Variants in HDX observed in about 807,000 individuals in gnomAD.
HDX encodes highly divergent homeobox.
Under a neutral mutation model 45.2 loss-of-function variants are expected in HDX, and 19 were observed. The ratio of observed to expected loss-of-function variants is 0.42; its 90% CI spans 0.29 to 0.62. The LOEUF (loss-of-function observed/expected upper bound fraction) is 0.62, where lower values mean the gene tolerates loss of function less well. Among genes scored for constraint, HDX ranks in the 20% least tolerant of loss-of-function variants. HDX has a pLI of 0.20. For synonymous variants in HDX, 188 were observed against 172.8 expected, an observed-to-expected ratio of 1.09 and a Z score of -0.69; for missense variants, 532 against 493.9, an observed-to-expected ratio of 1.08 and a Z score of -0.73.
intron 9 of HDX, among the ~76,000 whole-genome samples, chrX:84,327,431 G>A (rs1314682182): frequency 9.0e-5 from 10 of 111,609 alleles, no homozygotes; most frequent in Non-Finnish European, 1.9e-4. Context: ...TATTGCATAA[G>A]GATAGACATA....
intron 4 of HDX, among the ~76,000 whole-genome samples, chrX:84,443,977 G>A (rs1466720592): frequency 1.8e-5 from 2 of 111,446 alleles, no homozygotes; most frequent in East Asian, 2.8e-4. Context: ...GTACATGAAT[G>A]TCTTTACTAC....
At chrX:84,419,225 G>T (rs1234425214) in intron 5 of HDX, among the ~76,000 whole-genome samples, 1 of 110,486 alleles carries the variant, frequency 9.1e-6, no homozygotes, top group East Asian at 2.9e-4. Context: ...AGCATCAGGC[G>T]GGTTCTTGGG....
chrX:84,377,075 G>A (rs1461619923), intron 5 of HDX, among the ~76,000 whole-genome samples: 1 of 112,302 alleles, frequency 8.9e-6, no homozygotes, highest in Admixed American at 9.4e-5. Context: ...GTTTGTTTGG[G>A]AAAATGTAAG....
intron 10 of HDX, among the ~76,000 whole-genome samples, chrX:84,325,645 T>C (rs770872047): frequency 2.7e-5 from 3 of 111,729 alleles, no homozygotes; most frequent in Non-Finnish European, 3.8e-5. Context: ...ACTCAAATAC[T>C]TAAATTGGGA....
chrX:84,360,703 CATA>C lies in HDX; in HGVS notation c.1452+760_1452+762del, dbSNP rs1221996757. Among the ~76,000 whole-genome samples, 3 of 111,302 alleles carry C rather than the reference CATA, an allele frequency of 2.7e-5. No individual in the cohort carries two copies. The Admixed American group carries it at 2.9e-4, about 11-fold the overall frequency. ...TTTGCAATGGGTTTCTTTCATTTAGCATAATGTTTTTAAGGTTCATCCGTTTTA... is the reference window on the plus strand; with the variant it reads ...TTTGCAATGGGTTTCTTTCATTTAGCATGTTTTTAAGGTTCATCCGTTTTA... On this transcript the variant is annotated intron_variant, in intron 6 of 10. Coordinates refer to ENST00000373177, the MANE Select transcript of HDX (RefSeq NM_001177479.2).
At chrX:84,400,124 G>C (rs1421636786) in intron 5 of HDX, among the ~76,000 whole-genome samples, 2 of 109,759 alleles carry the variant, frequency 1.8e-5, no homozygotes, top group Non-Finnish European at 3.8e-5. Flanking sequence ...ATGGGTAAAA[G>C]CTGGAACCTT....
intron 6 of HDX, among the ~76,000 whole-genome samples, chrX:84,353,983 T>G (rs762310150): frequency 9.0e-6 from 1 of 111,729 alleles, no homozygotes; most frequent in South Asian, 3.8e-4. Flanking sequence ...CCTTCTACAT[T>G]CCAGCTATCA....
intron 6 of HDX, among the ~76,000 whole-genome samples, chrX:84,355,197 A>T (rs2037452493): frequency 1.8e-5 from 2 of 109,870 alleles, no homozygotes; most frequent in Non-Finnish European, 3.8e-5. Context: ...TATGAACTTT[A>T]TTTAAGTCCC....
intron 6 of HDX, among the ~76,000 whole-genome samples, chrX:84,353,285 C>G (rs1190830440): frequency 1.8e-5 from 2 of 111,231 alleles, no homozygotes; most frequent in Non-Finnish European, 3.8e-5. Context: ...ATTTGTCTCC[C>G]CTACTCCAAA....
chrX:84,392,263 C>G (rs2038458766), intron 5 of HDX, among the ~76,000 whole-genome samples: 1 of 111,163 alleles, frequency 9.0e-6, no homozygotes, highest in African/African-American at 3.3e-5. Context: ...CTTTTATGTC[C>G]CATTGTCCTA....
At chrX:84,490,719 CTTATTA>C (rs948970893) in intron 1 of HDX, among the ~76,000 whole-genome samples, 1 of 109,013 alleles carries the variant, frequency 9.2e-6, no homozygotes, top group African/African-American at 3.3e-5. Flanking sequence ...TTTTTTAAAT[CTTATTA>C]TTATTATACT....
At chrX:84,492,911 C>CT (rs11390246) in intron 1 of HDX, among the ~76,000 whole-genome samples, 6,990 of 96,517 alleles carry the variant, frequency 0.072, 539 homozygotes, top group African/African-American at 0.21. Flanking sequence ...TTACAAAAAG[C>CT]TTTTTTTTTT....
chrX:84,350,500 G>T (rs760555247), intron 6 of HDX, among the ~76,000 whole-genome samples: 8 of 111,567 alleles, frequency 7.2e-5, no homozygotes, highest in Non-Finnish European at 1.1e-4. Context: ...ATATTTTGTA[G>T]TTCTGTGATA....
intron 5 of HDX, among the ~76,000 whole-genome samples, chrX:84,393,982 T>C (rs1016484805): frequency 1.8e-5 from 2 of 111,435 alleles, no homozygotes; most frequent in Non-Finnish European, 1.9e-5. Context: ...TGATCTTTTG[T>C]ATTTTTTTAG....
intron 1 of HDX, among the ~76,000 whole-genome samples, chrX:84,497,954 A>G (rs2041041321): frequency 9.0e-6 from 1 of 111,338 alleles, no homozygotes; most frequent in Non-Finnish European, 1.9e-5. Context: ...AGGGGAGTAT[A>G]TAAGCCACAT....
At chrX:84,398,981 A>G (rs190659788) in intron 5 of HDX, among the ~76,000 whole-genome samples, 4 of 111,930 alleles carry the variant, frequency 3.6e-5, no homozygotes, top group Non-Finnish European at 3.8e-5. Context: ...GGTAAATAAC[A>G]AAATTAAGGC....
In HDX at chrX:84,344,409, C is replaced by T; in HGVS notation, c.1501G>A (p.Val501Ile). 8.3e-7 allele frequency: 1 copy of T among 1,206,567 alleles called. No homozygotes were observed. ...RRKYRLMGIE[V>I]PPPRGGPADF... ...GCAGGGCCTCCTCTTGGAGGTGGAACTTCAATCCCCATTAAACGATATTTC... is the reference window on the plus strand; with the variant it reads ...GCAGGGCCTCCTCTTGGAGGTGGAATTTCAATCCCCATTAAACGATATTTC... Residue 501 changes from valine to isoleucine, a missense_variant, in exon 7 of 11, where the codon GTT becomes ATT. Physicochemically the swap from Val to Ile is conservative, Grantham distance 29. This residue lies in a region of HDX where 151 missense variants were observed against 131.8 expected (regional missense o/e 1.15). Transcript: ENST00000373177.
chrX:84,487,376 A>G (rs2040816223), intron 2 of HDX, among the ~76,000 whole-genome samples: 1 of 111,972 alleles, frequency 8.9e-6, no homozygotes, highest in African/African-American at 3.3e-5. Flanking sequence ...GTTCTTTTGA[A>G]TATTATTTGT....
chrX:84,459,068 A>G (rs760152810), intron 4 of HDX, among the ~76,000 whole-genome samples: 3 of 112,297 alleles, frequency 2.7e-5, no homozygotes, highest in East Asian at 2.8e-4. Flanking sequence ...CTAGAAATCA[A>G]TAACAAGAGC....
Sources: allele counts gnomAD v4.1 joint callset (sites outside exome capture counted in the v4.1 genomes callset), GRCh38; gene constraint gnomAD v4.1.1; regional missense constraint gnomAD v4.1.1; transcripts MANE v1.5; gene names NCBI Gene and HGNC (gene_info 2026-07-23, HGNC 2026-07-21).